Variants in GRAP2 observed in about 807,000 individuals in gnomAD.
The protein encoded by GRAP2 is GRB2-related adapter protein 2.
In GRAP2, 31 loss-of-function variants were observed where a neutral mutation model predicts 43.5. The observed-to-expected ratio is 0.71, with a 90% CI of 0.54 to 0.96. The LOEUF is 0.96. Among genes scored for constraint, GRAP2 ranks in the 40% least tolerant of loss-of-function variants. The pLI is 0.00. For missense variants in GRAP2, 371 were observed against 424.4 expected (o/e 0.87, Z 1.11); for synonymous variants, 156 against 164.8 (o/e 0.95, Z 0.41).
At chr22:39,903,475 CTT>C (rs773691306) in intron 1 of GRAP2, among the ~76,000 whole-genome samples, 20 of 112,048 alleles carry the variant, frequency 1.8e-4, no homozygotes, top group African/African-American at 4.4e-4. Context: ...CCTCATGAGT[CTT>C]TTTTTTTTTT....
chr22:39,964,689 G>T, intron 4 of GRAP2: 22 of 374,484 alleles, frequency 5.9e-5, no homozygotes, highest in Non-Finnish European at 6.7e-5. Context: ...TCTTGGAGCT[G>T]TTGTACATTT....
chr22:39,901,990 C>T (rs947321870), intron 1 of GRAP2, among the ~76,000 whole-genome samples: 24 of 152,182 alleles, frequency 1.6e-4, no homozygotes, highest in African/African-American at 5.8e-4. Flanking sequence ...TTGAACATAC[C>T]AACCAAAGGT....
At chr22:39,953,087 C>T (rs2067004944) in intron 2 of GRAP2, among the ~76,000 whole-genome samples, 1 of 152,142 alleles carries the variant, frequency 6.6e-6, no homozygotes, top group Non-Finnish European at 1.5e-5. Flanking sequence ...TTAGTTCTTT[C>T]CATTATCTTC....
chr22:39,959,262 C>T (rs949855588), intron 3 of GRAP2, among the ~76,000 whole-genome samples: 1 of 152,214 alleles, frequency 6.6e-6, no homozygotes, highest in Non-Finnish European at 1.5e-5. Flanking sequence ...ATACATGCCA[C>T]GCTGTATGCA....
intron 2 of GRAP2, among the ~76,000 whole-genome samples, chr22:39,949,690 C>T (rs936478194): frequency 5.3e-5 from 8 of 152,170 alleles, no homozygotes; most frequent in Admixed American, 3.3e-4. Context: ...GTGTCTTCCT[C>T]AGCAAGTGGA....
Position 39,907,983 on chromosome 22 carries a change from A to C in GRAP2, c.-15+6653A>C, listed in dbSNP as rs74374391. On this transcript the variant is annotated intron_variant, in intron 1 of 7. Coordinates refer to ENST00000344138, the MANE Select transcript of GRAP2 (RefSeq NM_004810.4). ...CTGGTCCAAACACAGGATTCTGGAG[A>C]TGCAGGAGCCCTCGATGGGCTTCTG... Among the ~76,000 whole-genome samples the C allele has an allele frequency of 2.2e-3, 341 of 152,262 alleles. 3 individuals carry two copies. The highest frequency in any genetic ancestry group is 7.8e-3 in the African/African-American group (323 of 41,524).
At chr22:39,967,910 A>C in intron 5 of GRAP2, 132 bp from the exon 6 acceptor site, 1 of 1,161,598 alleles carries the variant, frequency 8.6e-7, no homozygotes, top group Non-Finnish European at 1.2e-6. Context: ...ATTATCTTTT[A>C]GCTGCCCCCA....
Position 39,947,521 on chromosome 22 carries a change from G to A in GRAP2, c.78+337G>A, listed in dbSNP as rs2066936531. The A allele has an allele frequency of 1.4e-5, 4 of 282,644 alleles. No individual in the cohort carries two copies. The Admixed American group carries it at 1.8e-4, about 13-fold the overall frequency. 17.5% of individuals were successfully genotyped at this position (282,644 alleles called of 1,614,324 possible). ...CTTGAAAGATGGGGGTTGTAGGAGT[G>A]TGTGCAATGTGAACGTCAGGAATGC... On this transcript the variant is annotated intron_variant, in intron 2 of 7. Coordinates refer to ENST00000344138, the MANE Select transcript of GRAP2 (RefSeq NM_004810.4).
At chr22:39,959,181 G>C (rs546897550) in intron 3 of GRAP2, among the ~76,000 whole-genome samples, 1 of 152,298 alleles carries the variant, frequency 6.6e-6, no homozygotes, top group African/African-American at 2.4e-5. Context: ...GGTGGAGAGA[G>C]GTCTCTGGCC....
intron 2 of GRAP2, 59 bp from the exon 3 acceptor site, chr22:39,955,760 C>G: frequency 1.2e-6 from 1 of 852,702 alleles, no homozygotes. Flanking sequence ...CAGCCCCTTT[C>G]TCTTGTTTTT....
chr22:39,965,956 G>A (rs374234748), intron 4 of GRAP2, 34 bp from the exon 5 acceptor site: 6 of 1,586,570 alleles, frequency 3.8e-6, no homozygotes, highest in Non-Finnish European at 5.2e-6. Context: ...TTATCACCGT[G>A]TAACATACAA....
intron 1 of GRAP2, among the ~76,000 whole-genome samples, chr22:39,920,798 C>T (rs2066642399): frequency 6.6e-6 from 1 of 152,034 alleles, no homozygotes; most frequent in South Asian, 2.1e-4. Context: ...AATACACACA[C>T]ACACGTGGAT....
chr22:39,928,104 A>G (rs898763096), intron 1 of GRAP2, among the ~76,000 whole-genome samples: 9 of 151,896 alleles, frequency 5.9e-5, no homozygotes, highest in African/African-American at 2.2e-4. Flanking sequence ...TCGAGGCCAA[A>G]CTCCTTTCAC....
intron 1 of GRAP2, among the ~76,000 whole-genome samples, chr22:39,931,217 G>A (rs550625240): frequency 3.3e-5 from 5 of 152,314 alleles, no homozygotes; most frequent in African/African-American, 1.2e-4. Flanking sequence ...GGGCAAGACA[G>A]CCTTGTGAAG....
chr22:39,931,569 C>T (rs894127769), intron 1 of GRAP2, among the ~76,000 whole-genome samples: 19 of 152,142 alleles, frequency 1.2e-4, no homozygotes, highest in Non-Finnish European at 5.9e-5. Flanking sequence ...GATGACTACA[C>T]GATGGGACTA....
At chr22:39,902,279 C>T (rs1047822595) in intron 1 of GRAP2, among the ~76,000 whole-genome samples, 2 of 152,170 alleles carry the variant, frequency 1.3e-5, no homozygotes, top group Non-Finnish European at 2.9e-5. Context: ...TTGTCATAAA[C>T]GGTTTAGTTC....
upstream of GRAP2, among the ~76,000 whole-genome samples, chr22:39,899,877 T>C (rs1319611931): frequency 6.6e-6 from 1 of 152,026 alleles, no homozygotes; most frequent in Non-Finnish European, 1.5e-5. Flanking sequence ...TCCCAGCTAC[T>C]TGGGAGGCTG....
intron 1 of GRAP2, among the ~76,000 whole-genome samples, chr22:39,909,324 G>A (rs1252802891): frequency 1.3e-5 from 2 of 152,190 alleles, no homozygotes; most frequent in East Asian, 3.8e-4. Flanking sequence ...GAACAAAAAA[G>A]ATGGAGCTTT....
chr22:39,959,437 T>C (rs556708222), intron 3 of GRAP2, among the ~76,000 whole-genome samples: 1 of 152,332 alleles, frequency 6.6e-6, no homozygotes, highest in African/African-American at 2.4e-5. Flanking sequence ...CCTCGCTGAT[T>C]TCCAAGCATG....
Sources: allele counts gnomAD v4.1 joint callset (sites outside exome capture counted in the v4.1 genomes callset), GRCh38; gene constraint gnomAD v4.1.1; transcripts MANE v1.5; gene names NCBI Gene and HGNC (gene_info 2026-07-23, HGNC 2026-07-21).